Variants in RTN3 observed in about 807,000 individuals in gnomAD.
RTN3 encodes reticulon-3.
RTN3 carries 49 observed loss-of-function variants against 77.8 expected under a neutral mutation model. That is an observed-to-expected ratio of 0.63 (90% CI 0.50 to 0.80). RTN3 has a LOEUF of 0.80. RTN3 is among the 30% of genes least tolerant of loss of function. The pLI, the probability that RTN3 is intolerant of heterozygous loss-of-function variation, is 0.00. For synonymous variants in RTN3, 464 were observed against 446.9 expected (o/e 1.04, Z -0.48); for missense variants, 1,236 against 1,211.9 (o/e 1.02, Z -0.29).
At chr11:63,691,494 C>T (rs766062067) in intron 1 of RTN3, among the ~76,000 whole-genome samples, 4 of 152,076 alleles carry the variant, frequency 2.6e-5, no homozygotes, top group African/African-American at 7.2e-5. Flanking sequence ...TGGGCTCAAG[C>T]GATCCTCCTG....
chr11:63,682,785 T>C (rs1003179017), intron 1 of RTN3, among the ~76,000 whole-genome samples: 12 of 151,940 alleles, frequency 7.9e-5, no homozygotes, highest in African/African-American at 2.9e-4. Flanking sequence ...TGGTAAGAGC[T>C]GCCTGGCAAG....
At chr11:63,705,941 C>A (rs1444667662) in intron 2 of RTN3, among the ~76,000 whole-genome samples, 1 of 152,080 alleles carries the variant, frequency 6.6e-6, no homozygotes, top group Non-Finnish European at 1.5e-5. Flanking sequence ...TTTTACTAGA[C>A]CCAAATATAT....
At chr11:63,743,534 T>C (rs1265681960) in intron 3 of RTN3, among the ~76,000 whole-genome samples, 1 of 152,230 alleles carries the variant, frequency 6.6e-6, no homozygotes, top group African/African-American at 2.4e-5. Context: ...AATCCTGTAT[T>C]TTTTCAAAAG....
chr11:63,703,047 C>T (rs1345813067), intron 1 of RTN3, among the ~76,000 whole-genome samples: 8 of 152,048 alleles, frequency 5.3e-5, no homozygotes, highest in Non-Finnish European at 1.2e-4. Flanking sequence ...CTTAGCCTAC[C>T]TTATCTCAGG....
chr11:63,703,290 TG>T (rs1325805329), intron 1 of RTN3, among the ~76,000 whole-genome samples: 7 of 152,222 alleles, frequency 4.6e-5, no homozygotes, highest in African/African-American at 1.2e-4. Context: ...ATTTTGGTGG[TG>T]GGGGGTGGTG....
At chr11:63,729,375 C>A (rs111662961) in intron 3 of RTN3, among the ~76,000 whole-genome samples, 1,574 of 142,414 alleles carry the variant, frequency 0.011, 29 homozygotes, top group African/African-American at 0.037. Context: ...ATGTTTATTT[C>A]TTAGGACAAT....
intron 1 of RTN3, among the ~76,000 whole-genome samples, chr11:63,692,633 C>T (rs1396075977): frequency 6.6e-6 from 1 of 151,932 alleles, no homozygotes; most frequent in Non-Finnish European, 1.5e-5. Flanking sequence ...TGGTGGCATG[C>T]GCCTGTAGTT....
intron 3 of RTN3, among the ~76,000 whole-genome samples, chr11:63,741,627 G>C (rs1024996758): frequency 1.3e-5 from 2 of 148,470 alleles, no homozygotes; most frequent in Non-Finnish European, 3.0e-5. Flanking sequence ...AGCCTCCCCA[G>C]TAGCTGAAAC....
Position 63,720,793 on chromosome 11 carries a change from G to A in RTN3, c.2291G>A (p.Arg764His), listed in dbSNP as rs138982686. 6.1e-5 allele frequency: 98 copies of A among 1,614,036 alleles called. No individual in the cohort carries two copies. Among genetic ancestry groups the A allele is most frequent in the Middle Eastern group, 4.9e-4 (3 of 6,062 alleles). ...RQVEKSTSAQRDAELPSEEVL... is the reference protein window; with the variant it reads ...RQVEKSTSAQHDAELPSEEVL... ...GTTGAGAAGTCAACTTCTGCACAGCGTGACGCAGAATTGCCTTCTGAAGAA... is the reference window on the plus strand; with the variant it reads ...GTTGAGAAGTCAACTTCTGCACAGCATGACGCAGAATTGCCTTCTGAAGAA... Residue 764 changes from arginine to histidine, a missense_variant, in exon 3 of 9, where the codon CGT becomes CAT. By Grantham distance (29) the Arg-to-His change is conservative (BLOSUM62 0). Coordinates refer to ENST00000377819, the MANE Select transcript of RTN3 (RefSeq NM_001265589.2).
chr11:63,741,817 C>T (rs2013498683), intron 3 of RTN3, among the ~76,000 whole-genome samples: 1 of 150,940 alleles, frequency 6.6e-6, no homozygotes, highest in Non-Finnish European at 1.5e-5. Flanking sequence ...AATCTTTAAA[C>T]ATCTCTTAAT....
At chr11:63,731,062 C>T (rs1274396515) in intron 3 of RTN3, among the ~76,000 whole-genome samples, 4 of 151,770 alleles carry the variant, frequency 2.6e-5, no homozygotes, top group East Asian at 3.9e-4. Flanking sequence ...AACAACTCAG[C>T]AAATTTCAAA....
At position 63,758,712 on chromosome 11, in the gene RTN3, CCT is replaced by C. The variant is rs976868436; in HGVS notation, c.*512_*513del. The C allele has an allele frequency of 4.6e-5, 11 of 241,434 alleles. No homozygotes were observed. Among genetic ancestry groups the C allele is most frequent in the Admixed American group, 5.5e-5 (1 of 18,032 alleles). The allele number at this position is 241,434 out of a possible 1,614,324, so 15.0% of individuals were successfully genotyped here. On this transcript the variant is annotated 3_prime_UTR_variant, in exon 9 of 9. Coordinates refer to ENST00000377819, the MANE Select transcript of RTN3 (RefSeq NM_001265589.2). ...CTGCCCCACAATGTGAGCAGCTACC[CCT>C]GATACTCCTTTTCTTTAATGATTTA... is the stretch of plus-strand genomic sequence containing the variant.
In RTN3 at chr11:63,704,335, C is replaced by T. The variant is rs147916997; in HGVS notation, c.143-516C>T. Among the ~76,000 whole-genome samples, 15 of 152,236 alleles carry T rather than the reference C, an allele frequency of 9.9e-5. No individual in the cohort carries two copies. In the East Asian group the frequency reaches 2.5e-3, roughly 25 times the overall value. ...GTATAATTTTAGAAGATAGATTTCT[C>T]ATGTAGTCCTGTCTTCCCCATGGAT... On this transcript the variant is annotated intron_variant, in intron 1 of 8. Coordinates refer to ENST00000377819, the MANE Select transcript of RTN3 (RefSeq NM_001265589.2).
intron 1 of RTN3, among the ~76,000 whole-genome samples, chr11:63,685,652 T>C (rs1353999367): frequency 6.6e-6 from 1 of 152,146 alleles, no homozygotes; most frequent in African/African-American, 2.4e-5. Flanking sequence ...ATTTAACTTA[T>C]TTAAAATGTA....
At chr11:63,737,542 A>C (rs371558279) in intron 3 of RTN3, among the ~76,000 whole-genome samples, 43 of 152,198 alleles carry the variant, frequency 2.8e-4, no homozygotes, top group African/African-American at 9.4e-4. Flanking sequence ...CCCAGGAGGC[A>C]GAGGTTGCAG....
At chr11:63,707,270 C>T (rs748438716) in intron 2 of RTN3, among the ~76,000 whole-genome samples, 2 of 151,944 alleles carry the variant, frequency 1.3e-5, no homozygotes, top group Non-Finnish European at 2.9e-5. Context: ...CCATGGCTTA[C>T]ATACCTAATG....
chr11:63,690,250 A>G (rs1022345676), intron 1 of RTN3, among the ~76,000 whole-genome samples: 1 of 152,318 alleles, frequency 6.6e-6, no homozygotes, highest in East Asian at 1.9e-4. Flanking sequence ...TGTTATTTGA[A>G]CATATTTCAG....
chr11:63,734,444 C>T (rs1278891851), intron 3 of RTN3, among the ~76,000 whole-genome samples: 1 of 151,356 alleles, frequency 6.6e-6, no homozygotes, highest in Non-Finnish European at 1.5e-5. Flanking sequence ...AAGACTGTCT[C>T]AAACAAAAAT....
At position 63,681,764 on chromosome 11, in the gene RTN3, GCTC is replaced by G. The variant is rs1470479433; in HGVS notation, c.134_136del (p.Ser45del). Reference sequence around the variant, plus strand: ...CCCGCCCTGGGGACGAAGAGCTGCAGCTCCTCCTGTGCGGGTAAGGCGCGCGGG... The same window carrying G: ...CCCGCCCTGGGGACGAAGAGCTGCAGCTCCTGTGCGGGTAAGGCGCGCGGG... On this transcript the variant is annotated inframe_deletion, in exon 1 of 9. Coordinates refer to ENST00000377819, the MANE Select transcript of RTN3 (RefSeq NM_001265589.2). 10 of 1,596,006 alleles carry G rather than the reference GCTC, an allele frequency of 6.3e-6. No homozygotes were observed. The highest frequency in any genetic ancestry group is 8.5e-6 in the Non-Finnish European group (10 of 1,174,140).
Sources: gnomAD v4.1 joint callset for allele counts (sites outside exome capture counted in the v4.1 genomes callset) on GRCh38, gnomAD v4.1.1 for gene constraint, MANE v1.5 for transcripts, NCBI Gene and HGNC (gene_info 2026-07-23, HGNC 2026-07-21) for gene names.